MYMX: variants seen among roughly 807,000 people sequenced by gnomAD.
The protein encoded by MYMX is myomixer, myoblast fusion factor, also known as protein myomixer.
At chr6:44,200,696 G>A in the MYMX span, among the ~76,000 whole-genome samples, 38 of 152,102 alleles carry the variant, frequency 2.5e-4, no homozygotes, top group African/African-American at 8.9e-4. Context: ...TGCTAGGCAT[G>A]TCCTTCCTTA....
upstream of MYMX, among the ~76,000 whole-genome samples, chr6:44,213,562 C>T (rs928761749): frequency 6.6e-6 from 1 of 151,292 alleles, no homozygotes; most frequent in Non-Finnish European, 1.5e-5. Flanking sequence ...GCTGGGATTA[C>T]AGGCACGTGC....
At chr6:44,213,738 T>C (rs183379828), upstream of MYMX, among the ~76,000 whole-genome samples, 1 of 152,348 alleles carries the variant, frequency 6.6e-6, no homozygotes, top group East Asian at 1.9e-4. Context: ...TGTTTCATAA[T>C]GACAAGTGAT....
upstream of MYMX, among the ~76,000 whole-genome samples, chr6:44,212,755 G>A (rs1212048239): frequency 1.3e-5 from 2 of 151,240 alleles, no homozygotes; most frequent in Non-Finnish European, 2.9e-5. Context: ...TGGGCTTGGT[G>A]TCTCATGCCC....
the MYMX span, among the ~76,000 whole-genome samples, chr6:44,200,920 C>T: frequency 6.6e-6 from 1 of 152,146 alleles, no homozygotes; most frequent in Non-Finnish European, 1.5e-5. Flanking sequence ...TCTATACAAG[C>T]TCCTTTCCTG....
At chr6:44,217,121 C>A (rs751794637) in intron 1 of MYMX, 153 bp downstream of exon 1, 2 of 240,966 alleles carry the variant, frequency 8.3e-6, no homozygotes, top group Non-Finnish European at 1.6e-5. Flanking sequence ...ACTCCAGGGG[C>A]ATTGAGGCTG....
the MYMX span, among the ~76,000 whole-genome samples, chr6:44,202,438 T>A: frequency 6.6e-6 from 1 of 151,910 alleles, no homozygotes; most frequent in African/African-American, 2.4e-5. Context: ...ATTTTTTTTT[T>A]TTTTCAATTG....
the MYMX span, among the ~76,000 whole-genome samples, chr6:44,201,459 G>A: frequency 6.6e-6 from 1 of 152,178 alleles, no homozygotes; most frequent in Non-Finnish European, 1.5e-5. Flanking sequence ...AGGGGTCAGA[G>A]CTGTCCTCAA....
the MYMX span, among the ~76,000 whole-genome samples, chr6:44,198,290 G>C: frequency 6.8e-6 from 1 of 148,004 alleles, no homozygotes; most frequent in African/African-American, 2.5e-5. Flanking sequence ...AGCCTCCCGA[G>C]TAGCTGGGAC....
chr6:44,215,768 G>A (rs946831942), upstream of MYMX, among the ~76,000 whole-genome samples: 12 of 151,638 alleles, frequency 7.9e-5, no homozygotes. Flanking sequence ...CGTGGCGGGT[G>A]CCTGTAATCC....
At chr6:44,212,404 C>CAAAA (rs940589027), upstream of MYMX, among the ~76,000 whole-genome samples, 1 of 111,334 alleles carries the variant, frequency 9.0e-6, no homozygotes, top group Admixed American at 8.9e-5. Flanking sequence ...GACCCTGTCT[C>CAAAA]AAAAAATAAA....
the MYMX span, among the ~76,000 whole-genome samples, chr6:44,200,302 GTTTT>G: frequency 6.6e-6 from 1 of 151,200 alleles, no homozygotes; most frequent in African/African-American, 2.4e-5. Flanking sequence ...GTCTTGCCTA[GTTTT>G]TTTTATTTTA....
upstream of MYMX, among the ~76,000 whole-genome samples, chr6:44,213,655 G>A (rs1490447594): frequency 6.6e-6 from 1 of 152,090 alleles, no homozygotes; most frequent in Non-Finnish European, 1.5e-5. Flanking sequence ...TCTGACCTCA[G>A]GTGATCTGCC....
the MYMX span, among the ~76,000 whole-genome samples, chr6:44,209,266 G>A: frequency 6.6e-6 from 1 of 151,680 alleles, no homozygotes; most frequent in Non-Finnish European, 1.5e-5. Context: ...ACCTGGCTTC[G>A]TGCTCTTAAA....
the MYMX span, among the ~76,000 whole-genome samples, chr6:44,203,937 T>C: frequency 6.6e-6 from 1 of 152,168 alleles, no homozygotes; most frequent in Non-Finnish European, 1.5e-5. Context: ...AACCTCTGCC[T>C]CCCGGGTTCA....
the MYMX span, among the ~76,000 whole-genome samples, chr6:44,194,069 T>C: frequency 6.6e-6 from 1 of 152,218 alleles, no homozygotes; most frequent in Admixed American, 6.5e-5. Flanking sequence ...TAGCAGCTCT[T>C]TAAAAAGAAC....
At chr6:44,206,483 C>T in the MYMX span, among the ~76,000 whole-genome samples, 72 of 152,290 alleles carry the variant, frequency 4.7e-4, no homozygotes, top group Non-Finnish European at 8.8e-4. Flanking sequence ...CCACCTGCCT[C>T]GGCCTCCCAA....
At chr6:44,194,422 C>T in the MYMX span, among the ~76,000 whole-genome samples, 2 of 152,218 alleles carry the variant, frequency 1.3e-5, no homozygotes, top group African/African-American at 4.8e-5. Flanking sequence ...TGGGCACCTG[C>T]AGTCCTTCTG....
chr6:44,216,652 CAAAAAAAAAAAA>C (rs547725984), upstream of MYMX, among the ~76,000 whole-genome samples: 1 of 117,284 alleles, frequency 8.5e-6, no homozygotes, highest in African/African-American at 3.2e-5. Context: ...AACTCTGTCT[CAAAAAAAAAAAA>C]AAAAAAAAGA....
chr6:44,195,161 G>A, the MYMX span, among the ~76,000 whole-genome samples: 2 of 152,046 alleles, frequency 1.3e-5, no homozygotes, highest in South Asian at 4.2e-4. Context: ...TGGGATTACA[G>A]GTGCGCACCA....
Sources: gnomAD v4.1 joint callset for allele counts (sites outside exome capture counted in the v4.1 genomes callset) on GRCh38, gnomAD v4.1.1 for gene constraint, MANE v1.5 for transcripts, NCBI Gene and HGNC (gene_info 2026-07-23, HGNC 2026-07-21) for gene names.